The following PCDH15 variants were observed in gnomAD, a reference collection of about 807,000 sequenced individuals.
PCDH15 encodes the protein protocadherin related 15.
A neutral mutation model predicts 178.5 loss-of-function variants in PCDH15; 129 were observed. The observed-to-expected ratio is 0.72, with a 90% CI of 0.63 to 0.84. PCDH15 has a LOEUF of 0.84. PCDH15 is among the 40% of genes least tolerant of loss of function. PCDH15 has a pLI of 0.00. For synonymous variants in PCDH15, 800 were observed against 732.0 expected, an observed-to-expected ratio of 1.09 and a Z score of -1.50; for missense variants, 2,230 against 2,099.9, an observed-to-expected ratio of 1.06 and a Z score of -1.21.
intron 4 of PCDH15, among the ~76,000 whole-genome samples, chr10:54,378,105 T>G (rs780861603): frequency 2.6e-5 from 4 of 151,918 alleles, no homozygotes; most frequent in Non-Finnish European, 5.9e-5. Context: ...TCAAATTTTT[T>G]GTCAAGACAG....
At chr10:54,549,295 AG>A (rs1190906915) in intron 2 of PCDH15, among the ~76,000 whole-genome samples, 1 of 151,798 alleles carries the variant, frequency 6.6e-6, no homozygotes, top group African/African-American at 2.4e-5. Flanking sequence ...TTCAACCATG[AG>A]AAGTTAAGGC....
At chr10:54,737,685 A>T (rs908881424) in intron 1 of PCDH15, among the ~76,000 whole-genome samples, 8 of 149,044 alleles carry the variant, frequency 5.4e-5, no homozygotes, top group African/African-American at 1.8e-4. Flanking sequence ...TTAAGATTTT[A>T]GTCAAACTTT....
Position 54,132,972 on chromosome 10 carries a change from G to A in PCDH15, c.1820C>T (p.Pro607Leu). 1 of 1,614,024 alleles carries A rather than the reference G, an allele frequency of 6.2e-7. No homozygotes were observed. The highest frequency in any genetic ancestry group is 8.5e-7 in the Non-Finnish European group (1 of 1,179,976). Reference sequence around the variant, plus strand: ...GCGAGGAGGGCTTTGATTATTTGGTGGAAGCACTTCAATATACACAGTGCA... The same window carrying A: ...GCGAGGAGGGCTTTGATTATTTGGTAGAAGCACTTCAATATACACAGTGCA... Reference protein sequence around the residue: ...SICTVYIEVLPPNNQSPPRFP... With the variant: ...SICTVYIEVLLPNNQSPPRFP... The change falls in exon 15 of 38, where the codon CCA becomes CTA. Residue 607 changes from proline to leucine, a missense_variant. Coordinates refer to ENST00000644397, the MANE Select transcript of PCDH15 (RefSeq NM_001384140.1).
intron 1 of PCDH15, among the ~76,000 whole-genome samples, chr10:54,712,593 C>A (rs1348516499): frequency 6.6e-6 from 1 of 151,880 alleles, no homozygotes; most frequent in Non-Finnish European, 1.5e-5. Flanking sequence ...GATGGGTGCA[C>A]CCTGTTCTCC....
chr10:54,797,795 T>C (rs910294780), intron 1 of PCDH15, among the ~76,000 whole-genome samples: 1 of 151,972 alleles, frequency 6.6e-6, no homozygotes, highest in African/African-American at 2.4e-5. Flanking sequence ...CACATGTGTA[T>C]GTGTGGGCAG....
intron 1 of PCDH15, among the ~76,000 whole-genome samples, chr10:55,276,634 T>C (rs1592042801): frequency 6.6e-6 from 1 of 151,910 alleles, no homozygotes; most frequent in Admixed American, 6.6e-5. Context: ...ATTTTGCAAG[T>C]GAATCTGTGA....
At chr10:53,923,839 C>T (rs1001106939) in intron 25 of PCDH15, among the ~76,000 whole-genome samples, 2 of 152,182 alleles carry the variant, frequency 1.3e-5, no homozygotes, top group Non-Finnish European at 2.9e-5. Context: ...TTCCACTGGT[C>T]TCTTAAATGG....
intron 2 of PCDH15, among the ~76,000 whole-genome samples, chr10:55,164,012 CT>C (rs1839129584): frequency 1.3e-5 from 2 of 152,246 alleles, no homozygotes; most frequent in Admixed American, 6.5e-5. Context: ...AGAACCTTCT[CT>C]TGGGGTCTGG....
At position 54,956,603 on chromosome 10, in the gene PCDH15, A is replaced by G. The variant is rs542442782; in HGVS notation, c.-79-59103T>C. 2.6e-5 allele frequency among the ~76,000 whole-genome samples: 4 copies of G among 151,742 alleles called. No homozygotes were observed. In the East Asian group the frequency reaches 7.7e-4, roughly 29 times the overall value. On this transcript the variant is annotated intron_variant, in intron 2 of 5. Coordinates refer to the PCDH15 transcript ENST00000458638. ...AGAATAGGGTATATTTAATCACGGTATATAAAATTAATACTATGTCATAAC... is the reference window on the plus strand; with the variant it reads ...AGAATAGGGTATATTTAATCACGGTGTATAAAATTAATACTATGTCATAAC...
At chr10:55,534,138 A>G (rs1242661766) in intron 2 of PCDH15, among the ~76,000 whole-genome samples, 1 of 152,138 alleles carries the variant, frequency 6.6e-6, no homozygotes, top group African/African-American at 2.4e-5. Context: ...AAGAAAACCT[A>G]GGAAATACCC....
intron 2 of PCDH15, among the ~76,000 whole-genome samples, chr10:54,588,023 G>T (rs2091620847): frequency 6.6e-6 from 1 of 152,096 alleles, no homozygotes; most frequent in South Asian, 2.1e-4. Flanking sequence ...AAAGGTTATG[G>T]AATAATATTT....
chr10:54,736,010 G>A (rs1944066485), intron 1 of PCDH15, among the ~76,000 whole-genome samples: 1 of 150,478 alleles, frequency 6.6e-6, no homozygotes, highest in Non-Finnish European at 1.5e-5. Flanking sequence ...AAAACTTAAA[G>A]TATAATTAAA....
At position 53,805,846 on chromosome 10, in the gene PCDH15, C is replaced by CAA. The variant is rs762759024; in HGVS notation, c.*731_*732dup. 6.6e-5 allele frequency: 10 copies of CAA among 151,950 alleles called. No homozygotes were observed. The highest frequency in any genetic ancestry group is 1.3e-4 in the Non-Finnish European group (9 of 67,970). The allele number at this position is 151,950 out of a possible 1,614,324, so 9.4% of individuals were successfully genotyped here. Reference sequence around the variant, plus strand: ...GTTGCTCCAAACAATTATTTAACCTCAAGTGATTAAACTAAACTAAAGTAT... The same window carrying CAA: ...GTTGCTCCAAACAATTATTTAACCTCAAAAGTGATTAAACTAAACTAAAGTAT... On this transcript the variant is annotated 3_prime_UTR_variant, in exon 38 of 38. Coordinates refer to ENST00000644397, the MANE Select transcript of PCDH15 (RefSeq NM_001384140.1).
rs566421026 is a variant in PCDH15, at chr10:54,402,420, A to G, written c.158-23478T>C. 2.0e-5 allele frequency among the ~76,000 whole-genome samples: 3 copies of G among 152,140 alleles called. No homozygotes were observed. The East Asian group carries it at 5.8e-4, about 29-fold the overall frequency. ...AAGAACTATGCTCCTATTTAGAAAC[A>G]GCATGATCGTTTATGTATAAAATAT... On this transcript the variant is annotated intron_variant, in intron 3 of 37. Coordinates refer to ENST00000644397, the MANE Select transcript of PCDH15 (RefSeq NM_001384140.1).
intron 8 of PCDH15, among the ~76,000 whole-genome samples, chr10:54,243,623 C>T (rs1343066150): frequency 6.6e-6 from 1 of 152,102 alleles, no homozygotes; most frequent in Non-Finnish European, 1.5e-5. Context: ...CCATGTGTTA[C>T]TAACATAGAG....
At chr10:54,291,842 C>CA (rs1407058118) in intron 8 of PCDH15, among the ~76,000 whole-genome samples, 1 of 152,052 alleles carries the variant, frequency 6.6e-6, no homozygotes, top group African/African-American at 2.4e-5. Flanking sequence ...GCCTATCAAC[C>CA]AAAAAAGGTC....
chr10:55,493,426 T>C (rs1840465795), intron 2 of PCDH15, among the ~76,000 whole-genome samples: 2 of 151,262 alleles, frequency 1.3e-5, no homozygotes, highest in Admixed American at 1.3e-4. Flanking sequence ...CATACACCTG[T>C]AGCTACTCAG....
At chr10:53,916,884 G>A (rs1298479381) in intron 25 of PCDH15, among the ~76,000 whole-genome samples, 1 of 151,900 alleles carries the variant, frequency 6.6e-6, no homozygotes, top group Non-Finnish European at 1.5e-5. Context: ...GAGATTCCTG[G>A]CTCTCAAGGC....
At chr10:55,273,535 T>C (rs887889229) in intron 1 of PCDH15, among the ~76,000 whole-genome samples, 11 of 152,052 alleles carry the variant, frequency 7.2e-5, no homozygotes, top group African/African-American at 2.7e-4. Flanking sequence ...GTGGGTGGGT[T>C]GGTGGGCAAG....
Sources: allele counts gnomAD v4.1 joint callset (sites outside exome capture counted in the v4.1 genomes callset), GRCh38; gene constraint gnomAD v4.1.1; transcripts MANE v1.5; gene names NCBI Gene and HGNC (gene_info 2026-07-23, HGNC 2026-07-21).